Variants in CPEB3 observed in about 807,000 individuals in gnomAD.
CPEB3 encodes the protein cytoplasmic polyadenylation element binding protein 3, also known as cytoplasmic polyadenylation element-binding protein 3.
A neutral mutation model predicts 67.2 loss-of-function variants in CPEB3; 20 were observed. The observed-to-expected ratio is 0.30, with a 90% confidence interval of 0.21 to 0.43. CPEB3 has a LOEUF of 0.43. CPEB3 is among the 20% of genes least tolerant of loss of function. CPEB3 has a pLI of 1.00. For synonymous variants in CPEB3, 376 were observed against 393.1 expected, an observed-to-expected ratio of 0.96 and a Z score of 0.51; for missense variants, 746 against 968.6, an observed-to-expected ratio of 0.77 and a Z score of 3.05.
chr10:92,147,657 G>A (rs543337947), intron 4 of CPEB3, among the ~76,000 whole-genome samples: 1 of 152,250 alleles, frequency 6.6e-6, no homozygotes, highest in South Asian at 2.1e-4. Context: ...ACAGAGATGT[G>A]CTAAGAGAAG....
intron 3 of CPEB3, among the ~76,000 whole-genome samples, chr10:92,184,342 C>G (rs1176372194): frequency 6.6e-6 from 1 of 152,170 alleles, no homozygotes; most frequent in South Asian, 2.1e-4. Context: ...CCGTGGCTCA[C>G]GCCTGTAATC....
intron 7 of CPEB3, among the ~76,000 whole-genome samples, chr10:92,097,296 G>A (rs1843926685): frequency 3.3e-5 from 5 of 152,142 alleles, no homozygotes; most frequent in Admixed American, 3.3e-4. Flanking sequence ...AATTATCTGC[G>A]GACCAGATCT....
intron 6 of CPEB3, among the ~76,000 whole-genome samples, chr10:92,117,768 T>C (rs1359828882): frequency 6.6e-6 from 1 of 152,130 alleles, no homozygotes; most frequent in Admixed American, 6.6e-5. Context: ...ATTTGATACC[T>C]AGTACAAATT....
chr10:92,169,972 A>T (rs1003265860), intron 4 of CPEB3, among the ~76,000 whole-genome samples: 1 of 152,114 alleles, frequency 6.6e-6, no homozygotes, highest in African/African-American at 2.4e-5. Context: ...CATCTTTCAG[A>T]TCCTCATTCT....
At chr10:92,215,063 G>A (rs1296879375) in intron 2 of CPEB3, among the ~76,000 whole-genome samples, 1 of 151,706 alleles carries the variant, frequency 6.6e-6, no homozygotes, top group Non-Finnish European at 1.5e-5. Context: ...GGCCAGGCTA[G>A]TCTCAAACTC....
chr10:92,231,057 A>T (rs545961961), intron 2 of CPEB3, among the ~76,000 whole-genome samples: 2 of 152,146 alleles, frequency 1.3e-5, no homozygotes, highest in South Asian at 4.1e-4. Flanking sequence ...TCCCATCACC[A>T]ATTAAAATGT....
chr10:92,253,247 G>C (rs929240020), intron 1 of CPEB3, among the ~76,000 whole-genome samples: 1 of 151,728 alleles, frequency 6.6e-6, no homozygotes, highest in Non-Finnish European at 1.5e-5. Flanking sequence ...GGATCACAAG[G>C]TCAAGAGATT....
chr10:92,060,604 A>G (rs1168898993), intron 9 of CPEB3, among the ~76,000 whole-genome samples: 1 of 152,236 alleles, frequency 6.6e-6, no homozygotes, highest in Admixed American at 6.5e-5. Context: ...AAATATTTGC[A>G]AACTACCCAT....
intron 4 of CPEB3, among the ~76,000 whole-genome samples, chr10:92,158,988 G>A (rs760495909): frequency 2.0e-5 from 3 of 152,228 alleles, no homozygotes; most frequent in Admixed American, 2.0e-4. Flanking sequence ...CAGGCTGGGT[G>A]TGGTGGCTCA....
At chr10:92,276,823 A>C (rs879370424) in intron 1 of CPEB3, among the ~76,000 whole-genome samples, 1 of 152,156 alleles carries the variant, frequency 6.6e-6, no homozygotes, top group Non-Finnish European at 1.5e-5. Context: ...TGAGGGTTCC[A>C]ATTTCTTCAC....
At chr10:92,127,370 G>C (rs1845650889) in intron 6 of CPEB3, among the ~76,000 whole-genome samples, 1 of 152,052 alleles carries the variant, frequency 6.6e-6, no homozygotes, top group South Asian at 2.1e-4. Context: ...GTGAGAAAGT[G>C]CTCCATTTAG....
chr10:92,219,578 T>C (rs1355749919), intron 2 of CPEB3, among the ~76,000 whole-genome samples: 1 of 152,222 alleles, frequency 6.6e-6, no homozygotes, highest in Non-Finnish European at 1.5e-5. Context: ...ACTTTTCACA[T>C]ATAACGAATC....
At chr10:92,181,066 A>T in intron 3 of CPEB3, 47 bp from the exon 4 acceptor site, 1 of 977,462 alleles carries the variant, frequency 1.0e-6, no homozygotes. Flanking sequence ...TAATGTAATC[A>T]TTTCAAACAC....
chr10:92,215,151 A>ATTTTT (rs79149383), intron 2 of CPEB3, among the ~76,000 whole-genome samples: 1 of 123,174 alleles, frequency 8.1e-6, no homozygotes, highest in African/African-American at 3.0e-5. Context: ...CCAAGCCAAG[A>ATTTTT]TTTTTTTTTT....
chr10:92,108,199 G>C (rs1274176782), intron 7 of CPEB3, among the ~76,000 whole-genome samples: 1 of 152,142 alleles, frequency 6.6e-6, no homozygotes, highest in Non-Finnish European at 1.5e-5. Context: ...CAAGGGCACT[G>C]GGATCCTGAA....
At chr10:92,155,072 G>C (rs942169035) in intron 4 of CPEB3, among the ~76,000 whole-genome samples, 1 of 152,270 alleles carries the variant, frequency 6.6e-6, no homozygotes, top group South Asian at 2.1e-4. Flanking sequence ...AGCCGGGTAT[G>C]GCGGTGCATG....
At chr10:92,188,716 T>C (rs1056400462) in intron 3 of CPEB3, among the ~76,000 whole-genome samples, 10 of 152,082 alleles carry the variant, frequency 6.6e-5, no homozygotes, top group Non-Finnish European at 1.2e-4. Context: ...CCAGACTCCG[T>C]CTCAGAAAAA....
In CPEB3 at chr10:92,052,360, G is replaced by C; in HGVS notation, c.1949C>G (p.Pro650Arg). The C allele has an allele frequency of 1.2e-6, 2 of 1,614,188 alleles. No homozygotes were observed. Among genetic ancestry groups the C allele is most frequent in the Non-Finnish European group, 1.7e-6 (2 of 1,180,040 alleles). Residue 650 changes from proline to arginine, a missense_variant, in exon 10 of 10, where the codon CCG becomes CGG. By Grantham distance (103) the Pro-to-Arg change is moderately radical. Around this residue, in one of 2 missense-constraint regions of CPEB3, gnomAD observed 103 missense variants for 251.1 expected, o/e 0.41. Transcript: ENST00000265997. ...QGTRCGGKFA[P>R]FFCANVTCLQ... ...ACAGGTGACGTTGGCACAGAAGAAC[G>C]GGGCAAACTTCCCACCACAGCGTGT...
chr10:92,218,813 CT>C (rs890170088), intron 2 of CPEB3, among the ~76,000 whole-genome samples: 20 of 147,558 alleles, frequency 1.4e-4, no homozygotes, highest in Non-Finnish European at 1.7e-4. Context: ...CCCACCTTTT[CT>C]TTTTTTTTTT....
Sources: allele counts gnomAD v4.1 joint callset (sites outside exome capture counted in the v4.1 genomes callset), GRCh38; gene constraint gnomAD v4.1.1; regional missense constraint gnomAD v4.1.1; transcripts MANE v1.5; gene names NCBI Gene and HGNC (gene_info 2026-07-23, HGNC 2026-07-21).